SUGCT: variants seen among roughly 807,000 people sequenced by gnomAD.
SUGCT encodes the protein succinyl-CoA:glutarate-CoA transferase.
Under a neutral mutation model 55.0 loss-of-function variants are expected in SUGCT, and 41 were observed. The ratio of observed to expected loss-of-function variants is 0.74; its 90% confidence interval spans 0.58 to 0.97. The LOEUF (loss-of-function observed/expected upper bound fraction) is 0.97, where lower values mean the gene tolerates loss of function less well. SUGCT is among the 50% of genes least tolerant of loss of function. The probability of loss-of-function intolerance (pLI) is 0.00; values close to 1 mark genes in which losing one functional copy is unlikely to be tolerated. For synonymous variants in SUGCT, 187 were observed against 200.4 expected, an observed-to-expected ratio of 0.93 and a Z score of 0.56; for missense variants, 568 against 547.8, an observed-to-expected ratio of 1.04 and a Z score of -0.37.
intron 6 of SUGCT, among the ~76,000 whole-genome samples, chr7:40,216,291 C>T (rs900078041): frequency 2.0e-5 from 3 of 152,002 alleles, no homozygotes; most frequent in Non-Finnish European, 2.9e-5. Flanking sequence ...CACCTGAGGT[C>T]AGGAGTTCAA....
At chr7:40,772,539 TATC>T in intron 13 of SUGCT, among the ~76,000 whole-genome samples, 4 of 150,532 alleles carry the variant, frequency 2.7e-5, no homozygotes, top group African/African-American at 7.3e-5. Flanking sequence ...TCTATCTATC[TATC>T]TATCTATCTA....
intron 9 of SUGCT, among the ~76,000 whole-genome samples, chr7:40,439,302 C>T (rs1311441570): frequency 1.3e-5 from 2 of 151,542 alleles, no homozygotes; most frequent in African/African-American, 4.8e-5. Flanking sequence ...CCCATCGTGA[C>T]TACTCCTACA....
the SUGCT span, among the ~76,000 whole-genome samples, chr7:40,990,997 C>T: frequency 1.3e-5 from 2 of 152,196 alleles, no homozygotes; most frequent in Non-Finnish European, 2.9e-5. Flanking sequence ...TTTGCTTTCT[C>T]ATTCCTTTCC....
chr7:40,993,695 G>A, the SUGCT span, among the ~76,000 whole-genome samples: 132 of 152,238 alleles, frequency 8.7e-4, no homozygotes, highest in African/African-American at 2.9e-3. Context: ...CCAGGGTTGT[G>A]CATCTTTGAG....
chr7:40,194,467 GTCTTGAACTCCTGA>G lies in SUGCT; in HGVS notation c.364-459_364-446del, dbSNP rs1325981348. Among the ~76,000 whole-genome samples the G allele has an allele frequency of 1.6e-4, 24 of 152,224 alleles. 1 individual carries two copies. Among genetic ancestry groups the G allele is most frequent in the Non-Finnish European group, 1.5e-4 (10 of 68,000 alleles). On this transcript the variant is annotated intron_variant, in intron 5 of 13. Coordinates refer to ENST00000335693, the MANE Select transcript of SUGCT (RefSeq NM_001193313.2). ...GGATTTTGCCATGTTGCCCAGGCTG[GTCTTGAACTCCTGA>G]TCTTGAACTCCTGGGCTCAAGCAGT...
chr7:40,655,042 A>G (rs1012885412), intron 12 of SUGCT, among the ~76,000 whole-genome samples: 2 of 152,178 alleles, frequency 1.3e-5, no homozygotes, highest in Non-Finnish European at 2.9e-5. Flanking sequence ...AATTATAGGC[A>G]ATATCACTTT....
the SUGCT span, among the ~76,000 whole-genome samples, chr7:40,953,976 A>T: frequency 6.6e-5 from 10 of 152,328 alleles, no homozygotes; most frequent in South Asian, 1.9e-3. Context: ...CTCTCTTCAA[A>T]GCTGTCAGAC....
chr7:40,304,910 T>A (rs990987953), intron 8 of SUGCT, among the ~76,000 whole-genome samples: 3 of 152,142 alleles, frequency 2.0e-5, no homozygotes, highest in Non-Finnish European at 2.9e-5. Context: ...TTTATAATTA[T>A]GATTAAAACC....
chr7:40,635,013 C>T (rs997935680), intron 12 of SUGCT, among the ~76,000 whole-genome samples: 6 of 152,144 alleles, frequency 3.9e-5, no homozygotes, highest in Non-Finnish European at 4.4e-5. Flanking sequence ...AGGCTGGGTG[C>T]GGTGGCTCAC....
At chr7:40,895,443 C>G in the SUGCT span, among the ~76,000 whole-genome samples, 1 of 152,174 alleles carries the variant, frequency 6.6e-6, no homozygotes, top group Middle Eastern at 3.4e-3. Context: ...TAATAACAAA[C>G]CTGCACATGT....
Position 40,749,512 on chromosome 7 carries a change from G to T in SUGCT, c.1153+15G>T. 1 of 1,608,008 alleles carries T rather than the reference G, an allele frequency of 6.2e-7. No homozygotes were observed. Among genetic ancestry groups the T allele is most frequent in the Non-Finnish European group, 8.5e-7 (1 of 1,174,642 alleles). ...TTCCGTCCCAGGTCTGAAAAGTTTT[G>T]GTATTTTCTCTAGCACCTTTCTTTA... On this transcript the variant is annotated intron_variant, in intron 13 of 13. Transcript: ENST00000335693.
At chr7:40,246,838 A>G (rs908408095) in intron 7 of SUGCT, among the ~76,000 whole-genome samples, 1 of 151,786 alleles carries the variant, frequency 6.6e-6, no homozygotes, top group Non-Finnish European at 1.5e-5. Flanking sequence ...GTCTCCAGCA[A>G]TCTGCCCACC....
the SUGCT span, among the ~76,000 whole-genome samples, chr7:41,017,644 G>A: frequency 6.6e-6 from 1 of 152,060 alleles, no homozygotes; most frequent in South Asian, 2.1e-4. Flanking sequence ...GGTGGCGGGT[G>A]CCTATAGTCC....
At chr7:40,924,265 CGT>C in the SUGCT span, among the ~76,000 whole-genome samples, 850 of 136,054 alleles carry the variant, frequency 6.2e-3, 10 homozygotes, top group African/African-American at 0.02. Flanking sequence ...CTTTCAATTA[CGT>C]GTGTGTGTGT....
intron 12 of SUGCT, chr7:40,539,238 A>G (rs1794542588): frequency 6.6e-6 from 1 of 152,164 alleles, no homozygotes; most frequent in Admixed American, 6.5e-5. Flanking sequence ...AAGATTGCTG[A>G]CCTATAAATG....
intron 12 of SUGCT, among the ~76,000 whole-genome samples, chr7:40,560,084 G>A (rs1457857974): frequency 6.6e-6 from 1 of 152,170 alleles, no homozygotes; most frequent in Non-Finnish European, 1.5e-5. Flanking sequence ...CTTGTTACTA[G>A]TGGTTCTGTT....
At chr7:40,810,663 A>G (rs1426014171) in intron 13 of SUGCT, among the ~76,000 whole-genome samples, 1 of 152,158 alleles carries the variant, frequency 6.6e-6, no homozygotes, top group Non-Finnish European at 1.5e-5. Flanking sequence ...TCTAGGTATT[A>G]GACCTTTGTT....
At chr7:40,466,967 A>T (rs1156368847) in intron 11 of SUGCT, among the ~76,000 whole-genome samples, 1 of 152,016 alleles carries the variant, frequency 6.6e-6, no homozygotes, top group Non-Finnish European at 1.5e-5. Context: ...ACTTTGGGAG[A>T]CTGAGGCAGG....
the SUGCT span, among the ~76,000 whole-genome samples, chr7:40,944,504 G>T: frequency 3.3e-5 from 5 of 151,152 alleles, no homozygotes; most frequent in African/African-American, 1.2e-4. Flanking sequence ...CATATGGCTA[G>T]CCAGTTTTCC....
Sources: allele counts gnomAD v4.1 joint callset (sites outside exome capture counted in the v4.1 genomes callset), GRCh38; gene constraint gnomAD v4.1.1; transcripts MANE v1.5; gene names NCBI Gene and HGNC (gene_info 2026-07-23, HGNC 2026-07-21).